DLAT: variants seen among roughly 807,000 people sequenced by gnomAD.
DLAT encodes dihydrolipoyllysine-residue acetyltransferase component of pyruvate dehydrogenase complex, mitochondrial.
Under a neutral mutation model 68.0 loss-of-function variants are expected in DLAT, and 43 were observed. The observed-to-expected ratio is 0.63, with a 90% CI of 0.50 to 0.81. DLAT has a LOEUF of 0.81. Ranked by LOEUF, DLAT falls within the 40% of genes least tolerant of loss-of-function variation. DLAT has a pLI of 0.00. For synonymous variants in DLAT, 265 were observed against 288.6 expected (o/e 0.92, Z 0.83); for missense variants, 745 against 815.4 (o/e 0.91, Z 1.05).
chr11:112,027,760 C>T (rs1161577491), intron 2 of DLAT, among the ~76,000 whole-genome samples: 2 of 152,124 alleles, frequency 1.3e-5, no homozygotes, highest in East Asian at 1.9e-4. Flanking sequence ...ACCAGTCAGG[C>T]GTGGCGGCGC....
At chr11:112,037,592 C>G in intron 6 of DLAT, 132 bp downstream of exon 6, 2 of 919,218 alleles carry the variant, frequency 2.2e-6, no homozygotes, top group Non-Finnish European at 3.5e-6. Context: ...AGTTTATTAA[C>G]ATTTGTGGAG....
chr11:112,051,169 C>T lies in DLAT; in HGVS notation c.1399-65C>T, dbSNP rs193137917. On this transcript the variant is annotated intron_variant, in intron 10 of 13. Transcript: ENST00000280346. This position sits in a 1 kb window ranked among gnomAD's most constrained non-coding sequence, Gnocchi z 4.3. ...AAACCTGGACATTCTGCACATGCAC[C>T]CTGAAACTTAAAATTAAAATTAAAA... 3,265 of 1,165,854 alleles carry T rather than the reference C, an allele frequency of 2.8e-3. 66 individuals carry two copies. Among genetic ancestry groups the T allele is most frequent in the East Asian group, 6.8e-3 (282 of 41,280 alleles). The allele number at this position is 1,165,854 out of a possible 1,614,324, so 72.2% of individuals were successfully genotyped here. A position where few individuals can be genotyped will look rare whatever the true frequency, so the allele number is the denominator to read the frequency against.
chr11:112,052,291 A>G (rs190083776), intron 11 of DLAT, among the ~76,000 whole-genome samples: 29 of 152,226 alleles, frequency 1.9e-4, no homozygotes, highest in East Asian at 1.5e-3. Flanking sequence ...ATTCAATTCA[A>G]TTCAATTCTG....
At chr11:112,059,789 TAAC>T (rs1555182981) in intron 11 of DLAT, 111 bp from the exon 12 acceptor site, 3 of 830,226 alleles carry the variant, frequency 3.6e-6, no homozygotes, top group Non-Finnish European at 3.7e-6. Flanking sequence ...GGCTGAACAA[TAAC>T]ACACATTGGT....
chr11:112,051,321 T>A lies in DLAT; in HGVS notation c.1486T>A (p.Ser496Thr). The change falls in exon 11 of 14, where the codon TCT (serine) becomes ACT (threonine). Residue 496 changes from serine to threonine, a missense_variant. Ser to Thr is a moderately conservative substitution (Grantham distance 58). Coordinates refer to ENST00000280346, the MANE Select transcript of DLAT (RefSeq NM_001931.5). The surrounding 1 kb of genome is among the most constrained non-coding windows in gnomAD (Gnocchi z 4.3). ...ATGTTTAAAAGTTCCCGAAGCAAAT[T>A]CTTCTTGGATGGACACAGTTATAAG... is the stretch of plus-strand genomic sequence containing the variant. ...LACLKVPEAN[S>T]SWMDTVIRQN... The A allele has an allele frequency of 6.2e-7, 1 of 1,613,272 alleles. No individual in the cohort carries two copies. The highest frequency in any genetic ancestry group is 1.1e-5 in the South Asian group (1 of 91,068).
chr11:112,054,466 T>C (rs1290263714), intron 11 of DLAT, among the ~76,000 whole-genome samples: 1 of 152,186 alleles, frequency 6.6e-6, no homozygotes, highest in Non-Finnish European at 1.5e-5. Flanking sequence ...GCTAACCTAA[T>C]TGATTTTAAT....
intron 11 of DLAT, among the ~76,000 whole-genome samples, chr11:112,058,563 A>C (rs1160414210): frequency 1.5e-5 from 2 of 130,942 alleles, no homozygotes; most frequent in African/African-American, 5.8e-5. Flanking sequence ...CAAGGAGACC[A>C]CGGATAAAAT....
intron 9 of DLAT, 85 bp downstream of exon 9, chr11:112,045,315 CAG>C: frequency 8.8e-7 from 1 of 1,134,338 alleles, no homozygotes; most frequent in Non-Finnish European, 1.3e-6. Flanking sequence ...AACACATTAA[CAG>C]AGGCTTTTTA....
At position 112,025,532 on chromosome 11, in the gene DLAT, TC is replaced by T; in HGVS notation, c.61del (p.Arg21GlyfsTer14). On this transcript the variant is annotated frameshift_variant, in exon 1 of 14. Coordinates refer to ENST00000280346, the MANE Select transcript of DLAT (RefSeq NM_001931.5). LOFTEE classifies it high-confidence loss of function. Reference sequence around the variant, plus strand: ...TAGCCCCATGGGCGGGACTCGAGGCTCGGTGGACGGCCTTGCAGGAGGTACC... The same window carrying T: ...TAGCCCCATGGGCGGGACTCGAGGCTGGTGGACGGCCTTGCAGGAGGTACC... ...NVAPWAGLEA[R>X]WTALQEVPGT... 6.2e-7 allele frequency: 1 copy of T among 1,613,958 alleles called. No individual in the cohort carries two copies. The highest frequency in any genetic ancestry group is 2.2e-5 in the East Asian group (1 of 44,866).
intron 2 of DLAT, among the ~76,000 whole-genome samples, chr11:112,027,714 A>G (rs1862140897): frequency 6.6e-6 from 1 of 152,224 alleles, no homozygotes; most frequent in South Asian, 2.1e-4. Flanking sequence ...CCCGGCCAAC[A>G]CAGCGAAACC....
chr11:112,050,920 G>A (rs376062079), intron 10 of DLAT, among the ~76,000 whole-genome samples: 1 of 152,208 alleles, frequency 6.6e-6, no homozygotes, highest in South Asian at 2.1e-4. Context: ...CCAATGTTTG[G>A]TTTCATTTCT....
In DLAT at chr11:112,061,370, TA is replaced by T. The variant is rs1864612249; in HGVS notation, c.1814+197del. On this transcript the variant is annotated intron_variant, in intron 13 of 13. Coordinates refer to ENST00000280346, the MANE Select transcript of DLAT (RefSeq NM_001931.5). ...TATTCTGTATACTTTATTCTTGACT[TA>T]TAATAATACAATACCTAAACAGCAC... The T allele has an allele frequency of 1.2e-5, 7 of 604,382 alleles. No homozygotes were observed. In the South Asian group the frequency reaches 1.4e-4, roughly 12 times the overall value. The allele number at this position is 604,382 out of a possible 1,614,324, so 37.4% of individuals were successfully genotyped here.
rs782189104 is a variant in DLAT at position 112,028,611 on chromosome 11, G to A, written c.478G>A (p.Gly160Arg). 6.2e-6 allele frequency: 10 copies of A among 1,614,058 alleles called. No individual in the cohort carries two copies. The highest frequency in any genetic ancestry group is 4.5e-5 in the East Asian group (2 of 44,882). Residue 160 changes from glycine (G) to arginine (R), a missense_variant, in exon 3 of 14, where the codon GGA becomes AGA. Coordinates refer to ENST00000280346, the MANE Select transcript of DLAT (RefSeq NM_001931.5). ...TGAAGGTACCAGGGATGTTCCCATC[G>A]GAGCGATCATCTGTATCACAGTTGG... Reference protein sequence around the residue: ...VAEGTRDVPIGAIICITVGKP... With the variant: ...VAEGTRDVPIRAIICITVGKP...
At chr11:112,037,601 A>G in intron 6 of DLAT, 141 bp downstream of exon 6, 1 of 883,422 alleles carries the variant, frequency 1.1e-6, no homozygotes. Context: ...ACATTTGTGG[A>G]GACCTATAGT....
At chr11:112,053,182 C>T (rs1023057679) in intron 11 of DLAT, among the ~76,000 whole-genome samples, 5 of 151,840 alleles carry the variant, frequency 3.3e-5, no homozygotes, top group Non-Finnish European at 7.4e-5. Context: ...ATTAGCTGAG[C>T]GTGGTGGTGC....
chr11:112,047,326 G>A (rs996252979), intron 10 of DLAT, among the ~76,000 whole-genome samples: 1 of 151,900 alleles, frequency 6.6e-6, no homozygotes, highest in Non-Finnish European at 1.5e-5. Flanking sequence ...TTTTTTTCTT[G>A]TAAATTTGTT....
rs1864589769 is a variant in DLAT, at chr11:112,061,104, C to T, written c.1744C>T (p.Pro582Ser). 6.2e-7 allele frequency: 1 copy of T among 1,613,736 alleles called. No homozygotes were observed. Among genetic ancestry groups the T allele is most frequent in the Admixed American group, 1.7e-5 (1 of 60,002 alleles). Residue 582 changes from proline (P) to serine (S), a missense_variant, in exon 13 of 14, where the codon CCA (proline) becomes TCA (serine). Pro to Ser is a moderately conservative substitution (Grantham distance 74). Transcript: ENST00000280346. ...TAAGAATTTCTCTGCTATTATTAAC[C>T]CACCTCAAGCATGTATTTTGGCAAT... ...GIKNFSAIIN[P>S]PQACILAIGA...
chr11:112,045,674 C>T lies in DLAT; in HGVS notation c.1291-189C>T, dbSNP rs587617141. Among the ~76,000 whole-genome samples the T allele has an allele frequency of 6.1e-5, 9 of 148,648 alleles. No homozygotes were observed. In the East Asian group the frequency reaches 1.2e-3, roughly 19 times the overall value. On this transcript the variant is annotated intron_variant, in intron 9 of 13. Coordinates refer to ENST00000280346, the MANE Select transcript of DLAT (RefSeq NM_001931.5). ...CCGCACTCCAGCCTGGGCAACATAGCGAGACTCCATCTCAAAAAAAAAAAA... is the reference window on the plus strand; with the variant it reads ...CCGCACTCCAGCCTGGGCAACATAGTGAGACTCCATCTCAAAAAAAAAAAA...
Position 112,025,688 on chromosome 11 carries a change from C to A in DLAT, c.216C>A (p.Arg72=), listed in dbSNP as rs782759632. The A allele has an allele frequency of 6.2e-7, 1 of 1,613,082 alleles. No homozygotes were observed. Among genetic ancestry groups the A allele is most frequent in the Non-Finnish European group, 8.5e-7 (1 of 1,179,976 alleles). The change falls in exon 1 of 14, where the codon CGC becomes CGA. Residue 72 remains arginine (R), a synonymous_variant. Transcript: ENST00000280346. The part of the protein sequence containing the change: ...TPSSGATPRN[R]LLLQLLGSPG... ...GTTCTGGGGCCACGCCGCGGAACCG[C>A]TTACTGCTGCAGCTTTTGGGGTCGC...
Sources: gnomAD v4.1 joint callset for allele counts (sites outside exome capture counted in the v4.1 genomes callset) on GRCh38, gnomAD v4.1.1 for gene constraint, Gnocchi (gnomAD v3.1) non-coding constraint, MANE v1.5 for transcripts, NCBI Gene and HGNC (gene_info 2026-07-23, HGNC 2026-07-21) for gene names.